SHISAL2B: variants seen among roughly 807,000 people sequenced by gnomAD.
The protein encoded by SHISAL2B is protein shisa-like-2B.
A neutral mutation model predicts 16.5 loss-of-function variants in SHISAL2B; 12 were observed. The ratio of observed to expected loss-of-function variants is 0.73; its 90% CI spans 0.47 to 1.18. The LOEUF is 1.18. Among genes scored for constraint, SHISAL2B ranks in the 50% most tolerant of loss-of-function variants. The pLI is 0.00. For synonymous variants in SHISAL2B, 72 were observed against 75.0 expected, an observed-to-expected ratio of 0.96 and a Z score of 0.21; for missense variants, 183 against 193.6, an observed-to-expected ratio of 0.95 and a Z score of 0.33.
chr5:64,709,225 C>T lies in SHISAL2B; in HGVS notation c.350-8664C>T, dbSNP rs1247339456. On this transcript the variant is annotated intron_variant, in intron 2 of 2. Coordinates refer to ENST00000389074, the MANE Select transcript of SHISAL2B (RefSeq NM_001164442.2). ...ACCACAGTCACCAGAGTGTGATATT[C>T]CCCTTCCTGTGTCCATGTGATCTCA... is the stretch of plus-strand genomic sequence containing the variant. Among the ~76,000 whole-genome samples, 5 of 135,782 alleles carry T rather than the reference C, an allele frequency of 3.7e-5. No homozygotes were observed. The South Asian group carries it at 9.8e-4, about 27-fold the overall frequency. 89.1% of individuals were successfully genotyped at this position (135,782 alleles called of 152,430 possible).
At chr5:64,709,901 A>G (rs1741934317) in intron 2 of SHISAL2B, among the ~76,000 whole-genome samples, 1 of 151,214 alleles carries the variant, frequency 6.6e-6, no homozygotes, top group South Asian at 2.1e-4. Flanking sequence ...TTTTCTTGTA[A>G]ATTTGTTTGA....
chr5:64,716,274 G>C (rs1742049638), intron 2 of SHISAL2B, among the ~76,000 whole-genome samples: 1 of 152,054 alleles, frequency 6.6e-6, no homozygotes, highest in African/African-American at 2.4e-5. Context: ...AATATTTTTT[G>C]CTAGTTGGTT....
chr5:64,699,204 G>A (rs1377258084), intron 2 of SHISAL2B, among the ~76,000 whole-genome samples: 2 of 152,158 alleles, frequency 1.3e-5, no homozygotes, highest in African/African-American at 4.8e-5. Flanking sequence ...TTTCCCAAAT[G>A]CATGCTATTG....
At chr5:64,716,098 T>C (rs1053079333) in intron 2 of SHISAL2B, among the ~76,000 whole-genome samples, 2 of 152,234 alleles carry the variant, frequency 1.3e-5, no homozygotes, top group African/African-American at 2.4e-5. Flanking sequence ...AAACAGTTTC[T>C]CACCTTCCAA....
chr5:64,698,569 T>G (rs1432292974), intron 2 of SHISAL2B, among the ~76,000 whole-genome samples: 1 of 152,194 alleles, frequency 6.6e-6, no homozygotes, highest in Non-Finnish European at 1.5e-5. Context: ...TACTCAAAAG[T>G]TACCTTCCCA....
chr5:64,690,718 C>A lies in SHISAL2B; in HGVS notation c.95C>A (p.Ala32Glu). 1 of 1,536,302 alleles carries A rather than the reference C, an allele frequency of 6.5e-7. No homozygotes were observed. Among genetic ancestry groups the A allele is most frequent in the Admixed American group, 2.0e-5 (1 of 50,970 alleles). The part of the protein sequence containing the change: ...FQCPRRGEGA[A>E]LQYCCGFADL... ...TGCCCCCGGCGCGGCGAGGGGGCAG[C>A]GCTCCAGTATTGCTGCGGCTTCGCC... Residue 32 changes from alanine to glutamate, a missense_variant, in exon 1 of 3, where the codon GCG (alanine) becomes GAG (glutamate). Coordinates refer to ENST00000389074, the MANE Select transcript of SHISAL2B (RefSeq NM_001164442.2).
At chr5:64,692,998 G>A (rs909405415) in intron 1 of SHISAL2B, among the ~76,000 whole-genome samples, 1 of 151,866 alleles carries the variant, frequency 6.6e-6, no homozygotes, top group African/African-American at 2.4e-5. Context: ...CATGCATAAA[G>A]CAACATTTCT....
At chr5:64,707,314 T>C (rs1056631075) in intron 2 of SHISAL2B, among the ~76,000 whole-genome samples, 1 of 152,156 alleles carries the variant, frequency 6.6e-6, no homozygotes, top group Admixed American at 6.5e-5. Flanking sequence ...ACCTATGAGT[T>C]GTGTAATTTC....
In SHISAL2B at chr5:64,690,800, CAT is replaced by C; in HGVS notation, c.178_179del (p.Met60ValfsTer45). On this transcript the variant is annotated frameshift_variant, in exon 1 of 3. Coordinates refer to ENST00000389074, the MANE Select transcript of SHISAL2B (RefSeq NM_001164442.2). LOFTEE classifies it high-confidence loss of function. Reference protein sequence around the residue: ...GSYFPYKHSYMWSLSIGALIG... With the variant: ...GSYFPYKHSYXWSLSIGALIG... ...GCTACTTCCCCTACAAGCACAGCTA[CAT>C]GTGGAGCCTCAGGTGGGCTGAGAGC... The C allele has an allele frequency of 6.5e-7, 1 of 1,536,044 alleles. No homozygotes were observed. Among genetic ancestry groups the C allele is most frequent in the Non-Finnish European group, 8.7e-7 (1 of 1,147,378 alleles).
chr5:64,690,550 T>A lies in SHISAL2B; in HGVS notation c.-74T>A, dbSNP rs1304768658. 1.2e-5 allele frequency: 15 copies of A among 1,272,020 alleles called. No individual in the cohort carries two copies. Among genetic ancestry groups the A allele is most frequent in the Non-Finnish European group, 1.4e-5 (14 of 973,090 alleles). 78.8% of individuals were successfully genotyped at this position (1,272,020 alleles called of 1,614,324 possible). ...AGTCCGGGCAGAGGGGTCCGCGGGC[T>A]CTGGAGGTGCTGGACGGGTGCGATC... On this transcript the variant is annotated 5_prime_UTR_variant, in exon 1 of 3. Transcript: ENST00000389074.
At chr5:64,706,337 G>C (rs1017077201) in intron 2 of SHISAL2B, among the ~76,000 whole-genome samples, 2 of 152,192 alleles carry the variant, frequency 1.3e-5, no homozygotes, top group African/African-American at 4.8e-5. Flanking sequence ...TAAACAGTAG[G>C]GGGAGAGGAA....
rs868002453 is a variant in SHISAL2B, at chr5:64,709,196, C to A, written c.350-8693C>A. ...ATGCTATCCCTCCCCCCTCCCCCCACCCCACCACAGTCACCAGAGTGTGAT... is the reference window on the plus strand; with the variant it reads ...ATGCTATCCCTCCCCCCTCCCCCCAACCCACCACAGTCACCAGAGTGTGAT... On this transcript the variant is annotated intron_variant, in intron 2 of 2. Coordinates refer to ENST00000389074, the MANE Select transcript of SHISAL2B (RefSeq NM_001164442.2). Among the ~76,000 whole-genome samples, 147 of 114,934 alleles carry A rather than the reference C, an allele frequency of 1.3e-3. 1 individual carries two copies. Among genetic ancestry groups the A allele is most frequent in the Middle Eastern group, 5.1e-3 (1 of 198 alleles). The allele number at this position is 114,934 out of a possible 152,430, so 75.4% of individuals were successfully genotyped here. A position where few individuals can be genotyped will look rare whatever the true frequency, so the allele number is the denominator to read the frequency against.
chr5:64,695,137 C>A (rs1178762465), intron 1 of SHISAL2B, among the ~76,000 whole-genome samples: 1 of 152,008 alleles, frequency 6.6e-6, no homozygotes, highest in East Asian at 1.9e-4. Context: ...TGATGGCGTG[C>A]ACCTGTAGTC....
chr5:64,715,941 A>G (rs1742043362), intron 2 of SHISAL2B, among the ~76,000 whole-genome samples: 1 of 152,176 alleles, frequency 6.6e-6, no homozygotes, highest in African/African-American at 2.4e-5. Context: ...CTCATCGTTG[A>G]TGGTTTCCTT....
chr5:64,704,480 C>T (rs535048512), intron 2 of SHISAL2B, among the ~76,000 whole-genome samples: 3 of 152,260 alleles, frequency 2.0e-5, no homozygotes, highest in African/African-American at 7.2e-5. Flanking sequence ...TTGAAATTTA[C>T]ATACAATGAC....
chr5:64,698,364 A>C (rs1741766833), intron 2 of SHISAL2B, among the ~76,000 whole-genome samples: 1 of 152,188 alleles, frequency 6.6e-6, no homozygotes, highest in Non-Finnish European at 1.5e-5. Context: ...TCAATAGAGA[A>C]AACAGTCTTC....
chr5:64,699,492 G>T (rs1741780245), intron 2 of SHISAL2B, among the ~76,000 whole-genome samples: 1 of 152,204 alleles, frequency 6.6e-6, no homozygotes, highest in South Asian at 2.1e-4. Flanking sequence ...TATTGAGAAA[G>T]CAAGTCTGTG....
chr5:64,705,310 A>T (rs1482327254), intron 2 of SHISAL2B, among the ~76,000 whole-genome samples: 1 of 152,118 alleles, frequency 6.6e-6, no homozygotes, highest in Non-Finnish European at 1.5e-5. Flanking sequence ...CTTAGAGAGA[A>T]CCCCGGAATG....
intron 1 of SHISAL2B, among the ~76,000 whole-genome samples, chr5:64,691,059 T>C (rs1328913951): frequency 6.6e-6 from 1 of 152,164 alleles, no homozygotes; most frequent in Non-Finnish European, 1.5e-5. Context: ...AGCGCGGGCT[T>C]TGCGCCCAGG....
Sources: allele counts gnomAD v4.1 joint callset (sites outside exome capture counted in the v4.1 genomes callset), GRCh38; gene constraint gnomAD v4.1.1; transcripts MANE v1.5; gene names NCBI Gene and HGNC (gene_info 2026-07-23, HGNC 2026-07-21).